The following ADAMTS17 variants were observed in gnomAD, a reference collection of about 807,000 sequenced individuals.
The protein encoded by ADAMTS17 is ADAM metallopeptidase with thrombospondin type 1 motif 17.
Under a neutral mutation model 141.5 loss-of-function variants are expected in ADAMTS17, and 113 were observed. The ratio of observed to expected loss-of-function variants is 0.80; its 90% CI spans 0.69 to 0.93. The LOEUF is 0.93. Ranked by LOEUF, ADAMTS17 falls within the 40% of genes least tolerant of loss-of-function variation. The probability of loss-of-function intolerance (pLI) is 0.00; values close to 1 mark genes in which losing one functional copy is unlikely to be tolerated. For synonymous variants in ADAMTS17, 768 were observed against 630.6 expected (o/e 1.22, Z -3.27); for missense variants, 1,659 against 1,517.9 (o/e 1.09, Z -1.54).
intron 10 of ADAMTS17, among the ~76,000 whole-genome samples, chr15:100,138,163 T>TA: frequency 6.6e-6 from 1 of 152,282 alleles, no homozygotes; most frequent in South Asian, 2.1e-4. Flanking sequence ...CTGAAAAGGC[T>TA]AGAAGCAGCC....
intron 18 of ADAMTS17, 79 bp downstream of exon 18, chr15:100,048,778 C>G: frequency 6.2e-7 from 1 of 1,600,686 alleles, no homozygotes; most frequent in East Asian, 2.2e-5. Context: ...GTGGCATTAA[C>G]TGCATATCAC....
In ADAMTS17 at chr15:100,069,839, C is replaced by T. The variant is rs576468905; in HGVS notation, c.2138-15785G>A. ...GCTAGGAAGAAACTGCACCAACTAA[C>T]GAGCAAAATATCCAGTTAACATCAT... On this transcript the variant is annotated intron_variant, in intron 15 of 21. Coordinates refer to ENST00000268070, the MANE Select transcript of ADAMTS17 (RefSeq NM_139057.4). Among the ~76,000 whole-genome samples the T allele has an allele frequency of 4.7e-5, 7 of 150,318 alleles. 1 individual carries two copies. Among genetic ancestry groups the T allele is most frequent in the South Asian group, 2.1e-4 (1 of 4,752 alleles).
At chr15:100,250,004 G>A (rs915849237) in intron 7 of ADAMTS17, among the ~76,000 whole-genome samples, 1 of 152,196 alleles carries the variant, frequency 6.6e-6, no homozygotes, top group East Asian at 1.9e-4. Context: ...CAGCTGTGTG[G>A]AAGTACTGGA....
chr15:100,040,955 T>C (rs2031195878), intron 18 of ADAMTS17, among the ~76,000 whole-genome samples: 1 of 152,228 alleles, frequency 6.6e-6, no homozygotes, highest in African/African-American at 2.4e-5. Context: ...AAAATGTTTA[T>C]GTTTCAGACT....
At chr15:100,164,886 C>G (rs1335758744) in intron 8 of ADAMTS17, among the ~76,000 whole-genome samples, 2 of 152,146 alleles carry the variant, frequency 1.3e-5, no homozygotes, top group African/African-American at 4.8e-5. Context: ...ACTGCAGATG[C>G]CCTCAGGACA....
At chr15:100,080,230 G>T (rs989358189) in intron 15 of ADAMTS17, among the ~76,000 whole-genome samples, 1 of 152,084 alleles carries the variant, frequency 6.6e-6, no homozygotes, top group Non-Finnish European at 1.5e-5. Flanking sequence ...GCCACCAGGA[G>T]ACACAATGAT....
At chr15:100,151,981 T>A (rs2039188542) in intron 10 of ADAMTS17, among the ~76,000 whole-genome samples, 1 of 152,198 alleles carries the variant, frequency 6.6e-6, no homozygotes, top group African/African-American at 2.4e-5. Flanking sequence ...AATGTTTGCT[T>A]ACTTTGACTT....
At chr15:100,133,943 C>G (rs2038190066) in intron 10 of ADAMTS17, among the ~76,000 whole-genome samples, 1 of 152,222 alleles carries the variant, frequency 6.6e-6, no homozygotes, top group Non-Finnish European at 1.5e-5. Flanking sequence ...AGAACATCTA[C>G]AAATACACAA....
intron 2 of ADAMTS17, among the ~76,000 whole-genome samples, chr15:100,332,053 G>A (rs2046069504): frequency 6.6e-6 from 1 of 152,084 alleles, no homozygotes. Flanking sequence ...TAATAAGATC[G>A]CCTACAATCT....
At chr15:100,059,754 C>G (rs1445337928) in intron 15 of ADAMTS17, among the ~76,000 whole-genome samples, 1 of 152,206 alleles carries the variant, frequency 6.6e-6, no homozygotes, top group Non-Finnish European at 1.5e-5. Flanking sequence ...GGTTGCTCTC[C>G]TGCCTTGCGT....
Position 100,062,018 on chromosome 15 carries a change from C to T in ADAMTS17, c.2138-7964G>A, listed in dbSNP as rs572807367. Among the ~76,000 whole-genome samples the T allele has an allele frequency of 9.2e-5, 14 of 152,230 alleles. No individual in the cohort carries two copies. In the East Asian group the frequency reaches 9.7e-4, roughly 10 times the overall value. ...GGCAGGAGAGGGAGTGGGCTCTTTGCGAATTTAGTAAAAAGAGGCTGTCAC... is the reference window on the plus strand; with the variant it reads ...GGCAGGAGAGGGAGTGGGCTCTTTGTGAATTTAGTAAAAAGAGGCTGTCAC... On this transcript the variant is annotated intron_variant, in intron 15 of 21. Coordinates refer to ENST00000268070, the MANE Select transcript of ADAMTS17 (RefSeq NM_139057.4).
Position 100,262,445 on chromosome 15 carries a change from C to T in ADAMTS17, c.790-10G>A. The T allele has an allele frequency of 6.2e-7, 1 of 1,605,922 alleles. No homozygotes were observed. Among genetic ancestry groups the T allele is most frequent in the South Asian group, 1.1e-5 (1 of 89,710 alleles). On this transcript the variant is annotated splice_polypyrimidine_tract_variant and intron_variant, in intron 4 of 21. Transcript: ENST00000268070. ...GAAACATATTGTATACCTATCAAGA[C>T]AGAAAAAAGAAATAAAGATATAAAG... is the stretch of plus-strand genomic sequence containing the variant.
chr15:100,212,020 T>C (rs1426882867), intron 7 of ADAMTS17, among the ~76,000 whole-genome samples: 1 of 152,132 alleles, frequency 6.6e-6, no homozygotes. Flanking sequence ...ATTTCCATGC[T>C]GTTGTGCCCA....
intron 10 of ADAMTS17, among the ~76,000 whole-genome samples, chr15:100,147,679 G>A (rs930916746): frequency 9.2e-5 from 14 of 152,312 alleles, no homozygotes; most frequent in South Asian, 4.1e-4. Flanking sequence ...ATGATGAGGC[G>A]TATGACTGTG....
intron 2 of ADAMTS17, among the ~76,000 whole-genome samples, chr15:100,335,557 C>T (rs148769523): frequency 1.3e-5 from 2 of 152,342 alleles, no homozygotes; most frequent in African/African-American, 4.8e-5. Context: ...TGGGCGCCTA[C>T]CAGAGCATCC....
intron 14 of ADAMTS17, among the ~76,000 whole-genome samples, chr15:100,097,566 C>T (rs76537061): frequency 0.014 from 2,078 of 152,350 alleles, 43 homozygotes; most frequent in African/African-American, 0.047. Context: ...GAGGCAAGTG[C>T]CTGGCCCCAC....
At chr15:99,996,555 T>C (rs2060806295) in intron 19 of ADAMTS17, among the ~76,000 whole-genome samples, 1 of 152,264 alleles carries the variant, frequency 6.6e-6, no homozygotes, top group Admixed American at 6.5e-5. Context: ...CAAGATCTGT[T>C]TGAAAATTAA....
intron 15 of ADAMTS17, among the ~76,000 whole-genome samples, chr15:100,060,818 T>G (rs1232949738): frequency 6.6e-6 from 1 of 152,264 alleles, no homozygotes; most frequent in East Asian, 1.9e-4. Context: ...GGTGAAATTC[T>G]TCAGGAATTG....
At chr15:100,096,255 C>G (rs1297111756) in intron 15 of ADAMTS17, 101 bp downstream of exon 15, 27 of 1,584,504 alleles carry the variant, frequency 1.7e-5, no homozygotes, top group Admixed American at 1.7e-5. Context: ...CCACTACCAT[C>G]TAGCCCTTAA....
Sources: gnomAD v4.1 joint callset for allele counts (sites outside exome capture counted in the v4.1 genomes callset) on GRCh38, gnomAD v4.1.1 for gene constraint, MANE v1.5 for transcripts, NCBI Gene and HGNC (gene_info 2026-07-23, HGNC 2026-07-21) for gene names.